VPS53: variants seen among roughly 807,000 people sequenced by gnomAD.
The protein encoded by VPS53 is VPS53 subunit of GARP complex.
Under a neutral mutation model 107.0 loss-of-function variants are expected in VPS53, and 70 were observed. The observed-to-expected ratio is 0.65, with a 90% CI of 0.54 to 0.80. VPS53 has a LOEUF of 0.80. Ranked by LOEUF, VPS53 falls within the 30% of genes least tolerant of loss-of-function variation. VPS53 has a pLI of 0.00. For missense variants in VPS53, 917 were observed against 1,049.4 expected (o/e 0.87, Z 1.74); for synonymous variants, 409 against 393.3 (o/e 1.04, Z -0.47).
intron 17 of VPS53, among the ~76,000 whole-genome samples, chr17:549,173 A>T (rs1309652228): frequency 6.6e-6 from 1 of 152,206 alleles, no homozygotes; most frequent in Non-Finnish European, 1.5e-5. Flanking sequence ...AGCAGCAAAA[A>T]TGATAGAATC....
At chr17:693,091 A>G (rs1268059746) in intron 4 of VPS53, among the ~76,000 whole-genome samples, 1 of 152,168 alleles carries the variant, frequency 6.6e-6, no homozygotes, top group South Asian at 2.1e-4. Flanking sequence ...CCGAGATCAC[A>G]CCACTGCACT....
chr17:619,334 G>A (rs1207002214), intron 11 of VPS53, among the ~76,000 whole-genome samples: 4 of 143,996 alleles, frequency 2.8e-5, no homozygotes, highest in African/African-American at 7.8e-5. Flanking sequence ...ACCACGCCCC[G>A]CTAATATTTC....
chr17:641,406 CACTACAAAGAGG>C (rs1410767605), intron 7 of VPS53, among the ~76,000 whole-genome samples: 1 of 152,164 alleles, frequency 6.6e-6, no homozygotes, highest in Non-Finnish European at 1.5e-5. Context: ...AAAAGGTTCC[CACTACAAAGAGG>C]TAGCTCAACT....
Position 519,167 on chromosome 17 carries a change from G to C in VPS53, c.2460C>G (p.Arg820=). 6.5e-7 allele frequency: 1 copy of C among 1,544,172 alleles called. No homozygotes were observed. Among genetic ancestry groups the C allele is most frequent in the Non-Finnish European group, 8.7e-7 (1 of 1,144,120 alleles). The part of the protein sequence containing the change: ...TAPTPEQESS[R]IRKLEKLIKK... ...TAATGAGTTTCTCGAGCTTGCGGATGCGTGACGACTCTTGCTCTGGTGTTG... is the reference window on the plus strand; with the variant it reads ...TAATGAGTTTCTCGAGCTTGCGGATCCGTGACGACTCTTGCTCTGGTGTTG... Residue 820 remains arginine (R), a synonymous_variant, in exon 22 of 22, where the codon CGC becomes CGG. Transcript: ENST00000437048. The surrounding 1 kb of genome is among the most constrained non-coding windows in gnomAD (Gnocchi z 5.0).
chr17:561,449 C>T (rs1310176937), intron 14 of VPS53, among the ~76,000 whole-genome samples: 1 of 152,104 alleles, frequency 6.6e-6, no homozygotes, highest in Non-Finnish European at 1.5e-5. Context: ...GGAAAATGCT[C>T]CCACGATGAA....
At chr17:542,309 C>A (rs1362942914) in intron 17 of VPS53, among the ~76,000 whole-genome samples, 1 of 152,162 alleles carries the variant, frequency 6.6e-6, no homozygotes, top group Non-Finnish European at 1.5e-5. Flanking sequence ...GCTAAGTTAG[C>A]AGGAAAGGTC....
At chr17:625,111 C>T (rs1338527400) in intron 10 of VPS53, among the ~76,000 whole-genome samples, 2 of 151,922 alleles carry the variant, frequency 1.3e-5, no homozygotes, top group Non-Finnish European at 2.9e-5. Context: ...ACCTCAGCCT[C>T]TCTAGTAGCT....
intron 17 of VPS53, among the ~76,000 whole-genome samples, chr17:544,454 T>C (rs1026290596): frequency 6.6e-6 from 1 of 152,128 alleles, no homozygotes; most frequent in Non-Finnish European, 1.5e-5. Context: ...TTTGCCTCAG[T>C]TGCCACATTT....
intron 15 of VPS53, among the ~76,000 whole-genome samples, chr17:559,729 A>G (rs967777662): frequency 2.0e-5 from 3 of 152,266 alleles, no homozygotes; most frequent in Non-Finnish European, 2.9e-5. Flanking sequence ...CAAAGTGGGT[A>G]GAAGAGCAGA....
At chr17:690,391 C>T (rs1430200858) in intron 4 of VPS53, among the ~76,000 whole-genome samples, 1 of 152,226 alleles carries the variant, frequency 6.6e-6, no homozygotes, top group Non-Finnish European at 1.5e-5. Context: ...GTGAAAAACA[C>T]TAAGCCAATA....
intron 19 of VPS53, among the ~76,000 whole-genome samples, chr17:527,515 G>A (rs1909213466): frequency 6.6e-6 from 1 of 152,172 alleles, no homozygotes; most frequent in South Asian, 2.1e-4. Context: ...CTGCCTAGGA[G>A]TTTTCCAATG....
intron 18 of VPS53, among the ~76,000 whole-genome samples, chr17:534,804 G>T (rs1251575941): frequency 6.6e-6 from 1 of 151,998 alleles, no homozygotes; most frequent in Admixed American, 6.6e-5. Context: ...TGTAATCCCA[G>T]CTATTCAGGA....
At chr17:553,574 C>CTTT (rs35437010) in intron 15 of VPS53, 112 bp from the exon 16 acceptor site, 405 of 552,226 alleles carry the variant, frequency 7.3e-4, no homozygotes, top group East Asian at 8.6e-4. Context: ...ATTCCATACA[C>CTTT]TTTTTTTTTT....
chr17:604,068 T>C (rs569898714), intron 11 of VPS53, among the ~76,000 whole-genome samples: 54 of 152,322 alleles, frequency 3.5e-4, no homozygotes, highest in African/African-American at 1.2e-3. Context: ...GACACAGAAT[T>C]TGAGTTTTTG....
intron 6 of VPS53, among the ~76,000 whole-genome samples, chr17:655,258 T>C (rs976624401): frequency 6.6e-6 from 1 of 152,022 alleles, no homozygotes; most frequent in Non-Finnish European, 1.5e-5. Flanking sequence ...CTTCCTTCTC[T>C]ATTTCTAATG....
chr17:575,269 T>C (rs1489099106), intron 13 of VPS53, among the ~76,000 whole-genome samples: 1 of 152,222 alleles, frequency 6.6e-6, no homozygotes, highest in African/African-American at 2.4e-5. Flanking sequence ...TACAGTTCCA[T>C]GTGAAGTTTC....
intron 13 of VPS53, among the ~76,000 whole-genome samples, chr17:577,313 T>C (rs1320745212): frequency 7.3e-6 from 1 of 136,520 alleles, no homozygotes; most frequent in East Asian, 2.3e-4. Flanking sequence ...TCCTAGAGAA[T>C]CTCCCACAGA....
chr17:541,280 G>A (rs1256646568), intron 17 of VPS53, among the ~76,000 whole-genome samples: 1 of 152,212 alleles, frequency 6.6e-6, no homozygotes, highest in Non-Finnish European at 1.5e-5. Context: ...AGGGCACTGA[G>A]CATCAGGTGG....
chr17:682,100 AT>A (rs1972414186), intron 4 of VPS53, among the ~76,000 whole-genome samples: 1 of 152,234 alleles, frequency 6.6e-6, no homozygotes, highest in Non-Finnish European at 1.5e-5. Context: ...TTCTTAGTCT[AT>A]TCAGCTGCAA....
Sources: allele counts gnomAD v4.1 joint callset (sites outside exome capture counted in the v4.1 genomes callset), GRCh38; gene constraint gnomAD v4.1.1; non-coding constraint Gnocchi (gnomAD v3.1); transcripts MANE v1.5; gene names NCBI Gene and HGNC (gene_info 2026-07-23, HGNC 2026-07-21).